TRMT44: variants seen among roughly 807,000 people sequenced by gnomAD.
TRMT44 encodes tRNA methyltransferase 44 homolog, also known as probable tRNA (uracil-O(2)-)-methyltransferase.
In TRMT44, 78 loss-of-function variants were observed where a neutral mutation model predicts 77.3. The ratio of observed to expected loss-of-function variants is 1.01; its 90% CI spans 0.84 to 1.22. The LOEUF (loss-of-function observed/expected upper bound fraction) is 1.22, where lower values mean the gene tolerates loss of function less well. Among genes scored for constraint, TRMT44 ranks in the 50% most tolerant of loss-of-function variants. The pLI is 0.00. For synonymous variants in TRMT44, 391 were observed against 383.3 expected (o/e 1.02, Z -0.23); for missense variants, 1,090 against 964.4 (o/e 1.13, Z -1.73).
At chr4:8,480,600 T>G (rs143773858), downstream of TRMT44, among the ~76,000 whole-genome samples, 223 of 152,340 alleles carry the variant, frequency 1.5e-3, no homozygotes, top group Non-Finnish European at 2.6e-3. Flanking sequence ...TGGAAGCCGC[T>G]GGTGAGCAAT....
At chr4:8,466,769 C>T (rs1579071984) in intron 8 of TRMT44, among the ~76,000 whole-genome samples, 1 of 152,194 alleles carries the variant, frequency 6.6e-6, no homozygotes, top group Non-Finnish European at 1.5e-5. Flanking sequence ...CTCTGAGCTT[C>T]AGTTTTCTTA....
rs564655325 is a variant in TRMT44 at position 8,454,448 on chromosome 4, G to A, written c.1132-294G>A. Reference sequence around the variant, plus strand: ...TAGAGGCGTAGGCAAATATGTGCAGGCCATCAGTACAGTACTGTGCAGTAC... The same window carrying A: ...TAGAGGCGTAGGCAAATATGTGCAGACCATCAGTACAGTACTGTGCAGTAC... On this transcript the variant is annotated intron_variant, in intron 5 of 10. Transcript: ENST00000389737. 21 of 367,746 alleles carry A rather than the reference G, an allele frequency of 5.7e-5. 1 individual carries two copies. Among genetic ancestry groups the A allele is most frequent in the African/African-American group, 2.6e-4 (13 of 49,848 alleles). 22.8% of individuals were successfully genotyped at this position (367,746 alleles called of 1,614,324 possible). A position where few individuals can be genotyped will look rare whatever the true frequency, so the allele number is the denominator to read the frequency against.
At chr4:8,464,912 A>C (rs531414050) in intron 7 of TRMT44, among the ~76,000 whole-genome samples, 5 of 152,258 alleles carry the variant, frequency 3.3e-5, no homozygotes, top group Non-Finnish European at 5.9e-5. Context: ...TGTCCTTTGC[A>C]GCAACATGGG....
At chr4:8,516,309 T>C in the TRMT44 span, among the ~76,000 whole-genome samples, 1 of 152,144 alleles carries the variant, frequency 6.6e-6, no homozygotes, top group Non-Finnish European at 1.5e-5. Flanking sequence ...GAGATACCCC[T>C]TCAGGCTCTG....
At chr4:8,463,900 C>T in intron 6 of TRMT44, 85 bp from the exon 7 acceptor site, 1 of 1,129,958 alleles carries the variant, frequency 8.8e-7, no homozygotes, top group East Asian at 2.4e-5. Context: ...GACTCCAGAG[C>T]CTGTACCCTC....
chr4:8,440,841 A>G lies in TRMT44; in HGVS notation c.19A>G (p.Thr7Ala). The G allele has an allele frequency of 1.3e-6, 2 of 1,506,524 alleles. No homozygotes were observed. The highest frequency in any genetic ancestry group is 2.5e-5 in the South Asian group (2 of 79,964). The allele number at this position is 1,506,524 out of a possible 1,614,324, so 93.3% of individuals were successfully genotyped here. The change falls in exon 1 of 11, where the codon ACC (threonine) becomes GCC (alanine). Residue 7 changes from threonine (T) to alanine (A), a missense_variant. Thr to Ala is a moderately conservative substitution (Grantham distance 58). Coordinates refer to ENST00000389737, the MANE Select transcript of TRMT44 (RefSeq NM_152544.3). MAEVGRTGISYPGALLP... is the reference protein window; with the variant it reads MAEVGRAGISYPGALLP... ...GGCTGCCATGGCTGAGGTGGGCCGT[A>G]CCGGGATCAGCTACCCAGGCGCGCT...
At chr4:8,469,165 C>T (rs1225441515) in intron 9 of TRMT44, among the ~76,000 whole-genome samples, 3 of 152,240 alleles carry the variant, frequency 2.0e-5, no homozygotes, top group Non-Finnish European at 2.9e-5. Flanking sequence ...ACCATGTGTA[C>T]GTGGGATGGG....
intron 2 of TRMT44, among the ~76,000 whole-genome samples, chr4:8,486,445 G>A (rs1727806620): frequency 1.3e-5 from 2 of 152,274 alleles, no homozygotes; most frequent in African/African-American, 4.8e-5. Context: ...TTGGGTTTGA[G>A]GGCTGGAATT....
intron 9 of TRMT44, among the ~76,000 whole-genome samples, chr4:8,470,436 A>G (rs567024829): frequency 1.1e-4 from 16 of 152,372 alleles, no homozygotes; most frequent in Non-Finnish European, 1.6e-4. Flanking sequence ...TGGCAAATAC[A>G]TGCAGGAAAA....
chr4:8,499,901 C>G, the TRMT44 span, among the ~76,000 whole-genome samples: 1 of 149,836 alleles, frequency 6.7e-6, no homozygotes, highest in Non-Finnish European at 1.5e-5. Context: ...TGCACATGTA[C>G]CCTTGAACAA....
downstream of TRMT44, among the ~76,000 whole-genome samples, chr4:8,481,269 C>T (rs879626979): frequency 1.3e-5 from 2 of 152,172 alleles, no homozygotes; most frequent in Admixed American, 6.5e-5. Context: ...TGAGTTGTCC[C>T]GCCTTTCTGG....
intron 8 of TRMT44, among the ~76,000 whole-genome samples, chr4:8,466,861 T>C (rs1326665968): frequency 6.6e-6 from 1 of 152,222 alleles, no homozygotes; most frequent in Non-Finnish European, 1.5e-5. Flanking sequence ...ACACAGCACA[T>C]GTCTGGTGGG....
At position 8,461,739 on chromosome 4, in the gene TRMT44, T is replaced by C. The variant is rs573108966; in HGVS notation, c.1204-2246T>C. 5.3e-5 allele frequency among the ~76,000 whole-genome samples: 8 copies of C among 152,326 alleles called. No individual in the cohort carries two copies. Among genetic ancestry groups the C allele is most frequent in the Non-Finnish European group, 8.8e-5 (6 of 68,034 alleles). On this transcript the variant is annotated intron_variant, in intron 6 of 10. Coordinates refer to ENST00000389737, the MANE Select transcript of TRMT44 (RefSeq NM_152544.3). The surrounding 1 kb of genome is among the most constrained non-coding windows in gnomAD (Gnocchi z 4.6). ...TTCAGTCTCGGTGCTAAAATAGCCA[T>C]GTTTATTCTAGTGTTAAATAAATGC...
At chr4:8,503,352 G>T in the TRMT44 span, among the ~76,000 whole-genome samples, 1 of 152,210 alleles carries the variant, frequency 6.6e-6, no homozygotes, top group African/African-American at 2.4e-5. Context: ...CAGTCGGACC[G>T]GCTCAAGCAT....
chr4:8,471,033 C>T lies in TRMT44; in HGVS notation c.1928-51C>T, dbSNP rs550052663. 4.0e-5 allele frequency: 51 copies of T among 1,272,976 alleles called. No homozygotes were observed. In the Admixed American group the frequency reaches 4.4e-4, roughly 11 times the overall value. The allele number at this position is 1,272,976 out of a possible 1,614,324, so 78.9% of individuals were successfully genotyped here. A position where few individuals can be genotyped will look rare whatever the true frequency, so the allele number is the denominator to read the frequency against. ...ACTGTTTCTGCCTGTGTGACAGGTTCGTAATATTTTGCTGTTGTTTTGGGG... is the reference window on the plus strand; with the variant it reads ...ACTGTTTCTGCCTGTGTGACAGGTTTGTAATATTTTGCTGTTGTTTTGGGG... On this transcript the variant is annotated intron_variant, in intron 9 of 10. Transcript: ENST00000389737.
chr4:8,448,008 G>A (rs1725173592), intron 2 of TRMT44, among the ~76,000 whole-genome samples: 1 of 152,190 alleles, frequency 6.6e-6, no homozygotes, highest in Non-Finnish European at 1.5e-5. Context: ...TGAGGACGTG[G>A]CTGCTGCTCC....
At chr4:8,466,632 C>T (rs960813606) in intron 8 of TRMT44, among the ~76,000 whole-genome samples, 3 of 152,246 alleles carry the variant, frequency 2.0e-5, no homozygotes, top group Admixed American at 1.3e-4. Context: ...CTTCTGAGTT[C>T]AGAATTGATT....
At chr4:8,486,600 G>A (rs1560250154) in intron 2 of TRMT44, among the ~76,000 whole-genome samples, 2 of 152,028 alleles carry the variant, frequency 1.3e-5, no homozygotes, top group Admixed American at 6.6e-5. Flanking sequence ...GTCTAGGGCT[G>A]TAAAGCGTCT....
intron 6 of TRMT44, among the ~76,000 whole-genome samples, chr4:8,455,975 A>G (rs1258530778): frequency 6.6e-6 from 1 of 152,250 alleles, no homozygotes; most frequent in Non-Finnish European, 1.5e-5. Context: ...TGCATTAAAT[A>G]TACGTACATA....
Sources: gnomAD v4.1 joint callset for allele counts (sites outside exome capture counted in the v4.1 genomes callset) on GRCh38, gnomAD v4.1.1 for gene constraint, Gnocchi (gnomAD v3.1) non-coding constraint, MANE v1.5 for transcripts, NCBI Gene and HGNC (gene_info 2026-07-23, HGNC 2026-07-21) for gene names.